Variants in ZBTB47 observed in about 807,000 individuals in gnomAD.
The protein encoded by ZBTB47 is zinc finger and BTB domain-containing protein 47.
In ZBTB47, 24 loss-of-function variants were observed where a neutral mutation model predicts 56.6. The ratio of observed to expected loss-of-function variants is 0.42; its 90% confidence interval spans 0.31 to 0.60. ZBTB47 has a LOEUF of 0.60. Ranked by LOEUF, ZBTB47 falls within the 20% of genes least tolerant of loss-of-function variation. The probability of loss-of-function intolerance (pLI) is 0.14; values close to 1 mark genes in which losing one functional copy is unlikely to be tolerated. For synonymous variants in ZBTB47, 414 were observed against 418.9 expected, an observed-to-expected ratio of 0.99 and a Z score of 0.14; for missense variants, 829 against 1,032.6, an observed-to-expected ratio of 0.80 and a Z score of 2.70.
rs1026689040 is a variant in ZBTB47 at position 42,654,715 on chromosome 3, T to A, written c.-82+832T>A. On this transcript the variant is annotated intron_variant, in intron 1 of 5. Coordinates refer to ENST00000232974, the MANE Select transcript of ZBTB47 (RefSeq NM_145166.4). This position sits in a 1 kb window ranked among gnomAD's most constrained non-coding sequence, Gnocchi z 5.0. ...ACCATGGTACGCAGGGCCCTGCCTG[T>A]CCCCCCGCTTATCCGCCCACCTGCC... 1.0e-6 allele frequency: 1 copy of A among 984,184 alleles called. No individual in the cohort carries two copies. The highest frequency in any genetic ancestry group is 1.8e-5 in the African/African-American group (1 of 56,874). The allele number at this position is 984,184 out of a possible 1,614,324, so 61.0% of individuals were successfully genotyped here.
rs1251000997 is a variant in ZBTB47 at position 42,667,204 on chromosome 3, A to G, written c.*2606A>G. On this transcript the variant is annotated 3_prime_UTR_variant, in exon 6 of 6. Coordinates refer to ENST00000232974, the MANE Select transcript of ZBTB47 (RefSeq NM_145166.4). ...GGGGACGCAGGATCATCCCCTCCCA[A>G]GGAGATCTGTGGGGGTCCCACCGTC... is the stretch of plus-strand genomic sequence containing the variant. 6.6e-6 allele frequency among the ~76,000 whole-genome samples: 1 copy of G among 152,172 alleles called. No homozygotes were observed. Among genetic ancestry groups the G allele is most frequent in the Non-Finnish European group, 1.5e-5 (1 of 68,028 alleles).
Position 42,664,405 on chromosome 3 carries a change from G to GCGTCAGCCACACCCTGGC in ZBTB47, c.2054_2071dup (p.Val685_Ala690dup). ...AAGGCCCACAAGGAGAAGTGCTTCC[G>GCGTCAGCCACACCCTGGC]CGTCAGCCACACCCTGGCCGGCGAC... On this transcript the variant is annotated inframe_insertion, in exon 6 of 6. Transcript: ENST00000232974. The GCGTCAGCCACACCCTGGC allele has an allele frequency of 3.2e-6, 5 of 1,584,304 alleles. No individual in the cohort carries two copies. The highest frequency in any genetic ancestry group is 4.3e-6 in the Non-Finnish European group (5 of 1,167,228).
In ZBTB47 at chr3:42,663,967, T is replaced by C. The variant is rs1385423995; in HGVS notation, c.1882+26T>C. 1 of 1,596,720 alleles carries C rather than the reference T, an allele frequency of 6.3e-7. No individual in the cohort carries two copies. The highest frequency in any genetic ancestry group is 8.5e-7 in the Non-Finnish European group (1 of 1,169,664). On this transcript the variant is annotated intron_variant, in intron 5 of 5. Coordinates refer to ENST00000232974, the MANE Select transcript of ZBTB47 (RefSeq NM_145166.4). The surrounding 1 kb of genome is among the most constrained non-coding windows in gnomAD (Gnocchi z 5.1). ...GTGCGGCTGCCCCTGGGGACGGAGC[T>C]CGGTGCCGGGCCTGGGACCCCTTCT...
At position 42,661,633 on chromosome 3, in the gene ZBTB47, G is replaced by GT; in HGVS notation, c.1621+2dup. 2 of 1,613,868 alleles carry GT rather than the reference G, an allele frequency of 1.2e-6. No individual in the cohort carries two copies. Among genetic ancestry groups the GT allele is most frequent in the Non-Finnish European group, 1.7e-6 (2 of 1,179,806 alleles). ...GCCCACGTGCGTAAGCACATGGTTG[G>GT]TAAGTCTGGGCCACTGGGGGATGGA... On this transcript the variant is annotated splice_donor_variant, in intron 3 of 5. Coordinates refer to ENST00000232974, the MANE Select transcript of ZBTB47 (RefSeq NM_145166.4). LOFTEE classifies it high-confidence loss of function.
Position 42,654,912 on chromosome 3 carries a change from G to A in ZBTB47, c.-82+1029G>A, listed in dbSNP as rs943876384. On this transcript the variant is annotated intron_variant, in intron 1 of 5. Coordinates refer to ENST00000232974, the MANE Select transcript of ZBTB47 (RefSeq NM_145166.4). This position sits in a 1 kb window ranked among gnomAD's most constrained non-coding sequence, Gnocchi z 5.0. ...GTTAAATTCCTGTGGTGGGGGCGCC[G>A]GCGCGCGAGGCTGAGGTCTTGCTAG... Among the ~76,000 whole-genome samples the A allele has an allele frequency of 6.6e-6, 1 of 152,010 alleles. No homozygotes were observed. The highest frequency in any genetic ancestry group is 1.5e-5 in the Non-Finnish European group (1 of 67,948).
chr3:42,659,087 A>G lies in ZBTB47; in HGVS notation c.732A>G (p.Thr244=), dbSNP rs1224431877. The G allele has an allele frequency of 6.7e-7, 1 of 1,503,212 alleles. No individual in the cohort carries two copies. The highest frequency in any genetic ancestry group is 8.9e-7 in the Non-Finnish European group (1 of 1,129,618). The allele number at this position is 1,503,212 out of a possible 1,614,324, so 93.1% of individuals were successfully genotyped here. ...IIVEVNLNNQ[T]LHVSTGPEGK... ...TGGAGGTGAACCTCAACAACCAGAC[A>G]CTGCACGTGTCCACGGGGCCAGAGG... The change falls in exon 2 of 6, where the codon ACA becomes ACG. Residue 244 remains threonine (T), a synonymous_variant. Transcript: ENST00000232974.
chr3:42,659,601 C>A lies in ZBTB47; in HGVS notation c.1246C>A (p.Arg416=), dbSNP rs1331377073. ...PPPGVASASA[R]GPPATDGLGA... is the part of the protein sequence containing the mutation. The stretch of plus-strand genomic sequence containing the variant: ...CCCTGGAGTGGCCTCTGCATCGGCC[C>A]GAGGGCCGCCAGCCACTGATGGGCT... The change falls in exon 2 of 6, where the codon CGA becomes AGA. Residue 416 remains arginine (R), a synonymous_variant. Transcript: ENST00000232974. The A allele has an allele frequency of 6.3e-7, 1 of 1,597,370 alleles. No individual in the cohort carries two copies. Among genetic ancestry groups the A allele is most frequent in the East Asian group, 2.3e-5 (1 of 43,746 alleles).
chr3:42,664,195 C>G (rs375748401), intron 5 of ZBTB47, 42 bp from the exon 6 acceptor site: 6 of 1,603,156 alleles, frequency 3.7e-6, no homozygotes, highest in Middle Eastern at 1.7e-4. Context: ...TGGGGTGTGG[C>G]GACCCCTCAC....
rs2125835436 is a variant in ZBTB47 at position 42,654,857 on chromosome 3, C to T, written c.-82+974C>T. ...TGGGTCCCGCGGGCCGGGAATGCGG[C>T]GCTGTGGCGCTGCTCTCGGTGGGGA... On this transcript the variant is annotated intron_variant, in intron 1 of 5. Transcript: ENST00000232974. This position sits in a 1 kb window ranked among gnomAD's most constrained non-coding sequence, Gnocchi z 5.0. 6.6e-6 allele frequency among the ~76,000 whole-genome samples: 1 copy of T among 152,092 alleles called. No individual in the cohort carries two copies. Among genetic ancestry groups the T allele is most frequent in the Non-Finnish European group, 1.5e-5 (1 of 67,960 alleles).
chr3:42,667,026 C>T lies in ZBTB47; in HGVS notation c.*2428C>T, dbSNP rs1043962056. Among the ~76,000 whole-genome samples, 3 of 152,378 alleles carry T rather than the reference C, an allele frequency of 2.0e-5. No individual in the cohort carries two copies. Among genetic ancestry groups the T allele is most frequent in the African/African-American group, 7.2e-5 (3 of 41,600 alleles). Reference sequence around the variant, plus strand: ...ACCACAAGGCCAGAAGCAATAATGGCACCTCAGCAGTTCCAGTATGGATAG... The same window carrying T: ...ACCACAAGGCCAGAAGCAATAATGGTACCTCAGCAGTTCCAGTATGGATAG... On this transcript the variant is annotated 3_prime_UTR_variant, in exon 6 of 6. Transcript: ENST00000232974.
chr3:42,667,185 G>A lies in ZBTB47; in HGVS notation c.*2587G>A, dbSNP rs958458012. Reference sequence around the variant, plus strand: ...TTTCCAGGGCTGGGGGAAGGGGGACGCAGGATCATCCCCTCCCAAGGAGAT... The same window carrying A: ...TTTCCAGGGCTGGGGGAAGGGGGACACAGGATCATCCCCTCCCAAGGAGAT... On this transcript the variant is annotated 3_prime_UTR_variant, in exon 6 of 6. Coordinates refer to ENST00000232974, the MANE Select transcript of ZBTB47 (RefSeq NM_145166.4). Among the ~76,000 whole-genome samples the A allele has an allele frequency of 7.2e-5, 11 of 152,230 alleles. No homozygotes were observed. The highest frequency in any genetic ancestry group is 2.4e-4 in the African/African-American group (10 of 41,462).
At chr3:42,657,445 C>T (rs1174143563) in intron 1 of ZBTB47, among the ~76,000 whole-genome samples, 1 of 152,214 alleles carries the variant, frequency 6.6e-6, no homozygotes, top group African/African-American at 2.4e-5. Flanking sequence ...TGTCCTTCCA[C>T]CCCTGCAGAG....
Position 42,663,757 on chromosome 3 carries a change from T to G in ZBTB47, c.1738-40T>G. 1 of 1,608,828 alleles carries G rather than the reference T, an allele frequency of 6.2e-7. No homozygotes were observed. Among genetic ancestry groups the G allele is most frequent in the Non-Finnish European group, 8.5e-7 (1 of 1,176,150 alleles). On this transcript the variant is annotated intron_variant, in intron 4 of 5. Coordinates refer to ENST00000232974, the MANE Select transcript of ZBTB47 (RefSeq NM_145166.4). The surrounding 1 kb of genome is among the most constrained non-coding windows in gnomAD (Gnocchi z 5.1). The stretch of plus-strand genomic sequence containing the variant: ...GTTCCCTCCACAAAGGCTGCTCTTC[T>G]GCTCTGTGCCTGGGCCTCACCCCCA...
chr3:42,664,041 A>T (rs1029816409), intron 5 of ZBTB47, 100 bp downstream of exon 5: 1 of 1,485,598 alleles, frequency 6.7e-7, no homozygotes, highest in African/African-American at 1.4e-5. Flanking sequence ...CCCCTTCTCA[A>T]GTCTGGGCCT....
chr3:42,658,110 A>C (rs925194849), intron 1 of ZBTB47, among the ~76,000 whole-genome samples, 165 bp from the exon 2 acceptor site: 1 of 152,210 alleles, frequency 6.6e-6, no homozygotes, highest in Non-Finnish European at 1.5e-5. Flanking sequence ...CAGCTCACTC[A>C]GGCTTGAATC....
At position 42,663,447 on chromosome 3, in the gene ZBTB47, T is replaced by G. The variant is rs956217103; in HGVS notation, c.1737+320T>G. 6.6e-6 allele frequency among the ~76,000 whole-genome samples: 1 copy of G among 152,058 alleles called. No individual in the cohort carries two copies. Among genetic ancestry groups the G allele is most frequent in the Non-Finnish European group, 1.5e-5 (1 of 67,980 alleles). ...GAGCATCCCAGGCCTGGAGCTCAGA[T>G]GAGACAACAGAGCTGCAGGTGGGGA... On this transcript the variant is annotated intron_variant, in intron 4 of 5. Coordinates refer to ENST00000232974, the MANE Select transcript of ZBTB47 (RefSeq NM_145166.4). The surrounding 1 kb of genome is among the most constrained non-coding windows in gnomAD (Gnocchi z 5.1).
chr3:42,661,849 A>T (rs750966593), intron 3 of ZBTB47, among the ~76,000 whole-genome samples: 20 of 152,232 alleles, frequency 1.3e-4, no homozygotes, highest in Non-Finnish European at 2.8e-4. Flanking sequence ...TGCACATTGC[A>T]CAAGGGTGCC....
rs951315401 is a variant in ZBTB47 at position 42,659,254 on chromosome 3, G to A, written c.899G>A (p.Arg300Gln). The A allele has an allele frequency of 1.8e-5, 27 of 1,504,588 alleles. No homozygotes were observed. The highest frequency in any genetic ancestry group is 1.5e-4 in the African/African-American group (11 of 71,570). The allele number at this position is 1,504,588 out of a possible 1,614,324, so 93.2% of individuals were successfully genotyped here. ...EEEEEGGGSG[R>Q]EEEEEEEGGS... is the part of the protein sequence containing the mutation. ...GAAGAGGAAGGTGGTGGCAGTGGAC[G>A]GGAGGAGGAGGAGGAGGAAGAGGGT... Residue 300 changes from arginine to glutamine, a missense_variant, in exon 2 of 6, where the codon CGG (arginine) becomes CAG (glutamine). Around this residue, in one of 6 missense-constraint regions of ZBTB47, gnomAD observed 359 missense variants for 359.8 expected, o/e 1.00. Transcript: ENST00000232974.
In ZBTB47 at chr3:42,659,631, G is replaced by T. The variant is rs200539382; in HGVS notation, c.1276G>T (p.Ala426Ser). The stretch of plus-strand genomic sequence containing the variant: ...GCCGCCAGCCACTGATGGGCTGGGG[G>T]CCAAGGTGAAGCTGGAGGAGAAGCA... The part of the protein sequence containing the change: ...RGPPATDGLG[A>S]KVKLEEKQHH... The change falls in exon 2 of 6, where the codon GCC becomes TCC. Residue 426 changes from alanine to serine, a missense_variant. Ala to Ser is a moderately conservative substitution (Grantham distance 99, BLOSUM62 1). Coordinates refer to ENST00000232974, the MANE Select transcript of ZBTB47 (RefSeq NM_145166.4). 1.2e-6 allele frequency: 2 copies of T among 1,611,304 alleles called. No individual in the cohort carries two copies.
Sources: allele counts gnomAD v4.1 joint callset (sites outside exome capture counted in the v4.1 genomes callset), GRCh38; gene constraint gnomAD v4.1.1; regional missense constraint gnomAD v4.1.1; non-coding constraint Gnocchi (gnomAD v3.1); transcripts MANE v1.5; gene names NCBI Gene and HGNC (gene_info 2026-07-23, HGNC 2026-07-21).